WSCD1: variants seen among roughly 807,000 people sequenced by gnomAD.
WSCD1 encodes the protein WSC domain sialate O sulfotransferase 1.
A neutral mutation model predicts 60.4 loss-of-function variants in WSCD1; 41 were observed. The observed-to-expected ratio is 0.68, with a 90% CI of 0.53 to 0.88. WSCD1 has a LOEUF of 0.88. Among genes scored for constraint, WSCD1 ranks in the 40% least tolerant of loss-of-function variants. The probability of loss-of-function intolerance (pLI) is 0.00; values close to 1 mark genes in which losing one functional copy is unlikely to be tolerated. For synonymous variants in WSCD1, 361 were observed against 332.5 expected, an observed-to-expected ratio of 1.09 and a Z score of -0.93; for missense variants, 784 against 796.2, an observed-to-expected ratio of 0.98 and a Z score of 0.18.
chr17:6,119,096 C>T (rs1904480860), intron 8 of WSCD1, among the ~76,000 whole-genome samples: 1 of 152,142 alleles, frequency 6.6e-6, no homozygotes, highest in African/African-American at 2.4e-5. Flanking sequence ...TCACAAGGGC[C>T]CCACCCTCAT....
chr17:6,104,757 C>T (rs1910991976), intron 5 of WSCD1, among the ~76,000 whole-genome samples: 2 of 152,226 alleles, frequency 1.3e-5, no homozygotes. Context: ...ACTGGAAACC[C>T]AGCACATCCA....
In WSCD1 at chr17:6,081,706, A is replaced by G. The variant is rs141271616; in HGVS notation, c.427+621A>G. Among the ~76,000 whole-genome samples, 723 of 152,066 alleles carry G rather than the reference A, an allele frequency of 4.8e-3. 5 individuals are homozygous for G. Among genetic ancestry groups the G allele is most frequent in the Middle Eastern group, 0.034 (10 of 294 alleles). On this transcript the variant is annotated intron_variant, in intron 2 of 8. Transcript: ENST00000317744. The stretch of plus-strand genomic sequence containing the variant: ...AGCCTGGGAAGGAGACTCTGTCTCA[A>G]AAAAAAGAAAAAAAAAAAATTAGAC...
At position 6,101,741 on chromosome 17, in the gene WSCD1, C is replaced by G. The variant is rs776839848; in HGVS notation, c.849+6518C>G. 6.6e-6 allele frequency among the ~76,000 whole-genome samples: 1 copy of G among 152,084 alleles called. No homozygotes were observed. The highest frequency in any genetic ancestry group is 1.5e-5 in the Non-Finnish European group (1 of 68,036). ...GAAAGAGACCTGCTCATTCTCAGTC[C>G]CCTTCAGGATCCTATCGGCTCCTTT... On this transcript the variant is annotated intron_variant, in intron 5 of 8. Coordinates refer to ENST00000317744, the MANE Select transcript of WSCD1 (RefSeq NM_015253.2). The surrounding 1 kb of genome is among the most constrained non-coding windows in gnomAD (Gnocchi z 4.1).
intron 5 of WSCD1, among the ~76,000 whole-genome samples, chr17:6,103,506 G>C (rs1910919823): frequency 6.6e-6 from 1 of 152,166 alleles, no homozygotes; most frequent in South Asian, 2.1e-4. Context: ...GGGGTGGTTG[G>C]TGGGTTAAGT....
chr17:6,106,715 A>G (rs979036611), intron 5 of WSCD1, among the ~76,000 whole-genome samples: 2 of 152,194 alleles, frequency 1.3e-5, no homozygotes, highest in Non-Finnish European at 2.9e-5. Flanking sequence ...GTTAGTACAC[A>G]AAACTGTAAA....
intron 4 of WSCD1, among the ~76,000 whole-genome samples, chr17:6,091,261 A>G (rs915360602): frequency 2.0e-5 from 3 of 152,256 alleles, no homozygotes; most frequent in Admixed American, 1.3e-4. Context: ...TAAAGCACCT[A>G]GAAATGCTGC....
rs779297258 is a variant in WSCD1, at chr17:6,090,465, C to T, written c.687C>T (p.Ser229=). The T allele has an allele frequency of 3.9e-5, 63 of 1,613,186 alleles. No homozygotes were observed. Among genetic ancestry groups the T allele is most frequent in the East Asian group, 2.2e-5 (1 of 44,820 alleles). Residue 229 remains serine (S), a synonymous_variant, in exon 4 of 9, where the codon TCC becomes TCT. Transcript: ENST00000317744. ...GSVCGAVDRL[S]VYRVDELQPG... ...TGTGCGGGGCTGTGGACCGGCTCTCCGTGTACCGTGTGGACGAGCTGCAGC... is the reference window on the plus strand; with the variant it reads ...TGTGCGGGGCTGTGGACCGGCTCTCTGTGTACCGTGTGGACGAGCTGCAGC...
At chr17:6,107,362 A>G (rs968698052) in intron 5 of WSCD1, among the ~76,000 whole-genome samples, 1 of 151,922 alleles carries the variant, frequency 6.6e-6, no homozygotes, top group Non-Finnish European at 1.5e-5. Flanking sequence ...GTAGCCAGGC[A>G]TGGTGGTGGC....
Position 6,120,921 on chromosome 17 carries a change from C to T in WSCD1, c.*260C>T. 1.9e-6 allele frequency: 1 copy of T among 518,230 alleles called. No individual in the cohort carries two copies. The highest frequency in any genetic ancestry group is 1.9e-5 in the African/African-American group (1 of 52,650). The allele number at this position is 518,230 out of a possible 1,614,324, so 32.1% of individuals were successfully genotyped here. ...CACCACTCCAGGCTCATAGCCCCGT[C>T]TTGATGCAGAGAAGCCACCCACGTG... On this transcript the variant is annotated 3_prime_UTR_variant, in exon 9 of 9. Transcript: ENST00000317744.
intron 5 of WSCD1, among the ~76,000 whole-genome samples, chr17:6,102,983 AC>A (rs1476952048): frequency 1.3e-5 from 2 of 152,214 alleles, no homozygotes; most frequent in Middle Eastern, 3.4e-3. Context: ...CCCTTTTAAG[AC>A]TTTTTATACA....
intron 1 of WSCD1, among the ~76,000 whole-genome samples, chr17:6,079,290 G>A (rs1909074517): frequency 6.6e-6 from 1 of 152,254 alleles, no homozygotes; most frequent in South Asian, 2.1e-4. Flanking sequence ...GTTAGTTACG[G>A]GCAGTGGCTT....
Position 6,120,529 on chromosome 17 carries a change from C to T in WSCD1, c.1596C>T (p.Gly532=). The change falls in exon 9 of 9, where the codon GGC becomes GGT. Residue 532 remains glycine (G), a synonymous_variant. Transcript: ENST00000317744. ...NNKEGSFRRR[G]RRSHDPEPFT... ...AGGAGGGCAGCTTCCGGCGGCGCGG[C>T]CGGCGCTCCCACGACCCTGAGCCCT... 6.2e-7 allele frequency: 1 copy of T among 1,613,764 alleles called. No individual in the cohort carries two copies. Among genetic ancestry groups the T allele is most frequent in the Non-Finnish European group, 8.5e-7 (1 of 1,180,002 alleles).
At position 6,073,968 on chromosome 17, in the gene WSCD1, T is replaced by C. The variant is rs1159721709; in HGVS notation, c.-289+3316T>C. Among the ~76,000 whole-genome samples, 3 of 152,348 alleles carry C rather than the reference T, an allele frequency of 2.0e-5. No individual in the cohort carries two copies. In the South Asian group the frequency reaches 6.2e-4, roughly 32 times the overall value. Reference sequence around the variant, plus strand: ...TCTGTATGATGGGGACGATAATGATTTTGGCCTCACAGATTTGTGGGAAGA... The same window carrying C: ...TCTGTATGATGGGGACGATAATGATCTTGGCCTCACAGATTTGTGGGAAGA... On this transcript the variant is annotated intron_variant, in intron 1 of 8. Coordinates refer to ENST00000317744, the MANE Select transcript of WSCD1 (RefSeq NM_015253.2).
At chr17:6,098,974 A>G (rs1910624042) in intron 5 of WSCD1, among the ~76,000 whole-genome samples, 1 of 152,012 alleles carries the variant, frequency 6.6e-6, no homozygotes, top group African/African-American at 2.4e-5. Flanking sequence ...CAGGTGGCTG[A>G]GGGGATTAAG....
At chr17:6,088,885 C>A (rs1909834010) in intron 3 of WSCD1, among the ~76,000 whole-genome samples, 1 of 152,014 alleles carries the variant, frequency 6.6e-6, no homozygotes, top group Non-Finnish European at 1.5e-5. Flanking sequence ...TGGGTTCACG[C>A]CATTCGCCTG....
At position 6,120,336 on chromosome 17, in the gene WSCD1, C is replaced by T. The variant is rs1420451922; in HGVS notation, c.1403C>T (p.Ala468Val). ...TGGCCGGACTTTGTCAACAGCTACG[C>T]CTCGTGGTGGTCCTCGCACGTCCTG... Reference protein sequence around the residue: ...KEWPDFVNSYASWWSSHVLDW... With the variant: ...KEWPDFVNSYVSWWSSHVLDW... The change falls in exon 9 of 9, where the codon GCC becomes GTC. Residue 468 changes from alanine (A) to valine (V), a missense_variant. By Grantham distance (64) the Ala-to-Val change is moderately conservative. Coordinates refer to ENST00000317744, the MANE Select transcript of WSCD1 (RefSeq NM_015253.2). 1 of 1,613,902 alleles carries T rather than the reference C, an allele frequency of 6.2e-7. No homozygotes were observed. Among genetic ancestry groups the T allele is most frequent in the Non-Finnish European group, 8.5e-7 (1 of 1,179,968 alleles).
At chr17:6,069,257 G>C (rs1010075288), upstream of WSCD1, 9 of 398,812 alleles carry the variant, frequency 2.3e-5, no homozygotes, top group African/African-American at 1.9e-4. Context: ...CAGATGCTGT[G>C]ACTTGGCGGC....
upstream of WSCD1, chr17:6,070,302 G>A: frequency 6.7e-6 from 1 of 148,958 alleles, no homozygotes; most frequent in East Asian, 2.0e-4. Flanking sequence ...TCCCCCGGGC[G>A]GCGGGAGGTG....
intron 1 of WSCD1, among the ~76,000 whole-genome samples, chr17:6,079,115 G>C (rs746660535): frequency 1.3e-5 from 2 of 152,244 alleles, no homozygotes; most frequent in Non-Finnish European, 2.9e-5. Context: ...CATTTACTCA[G>C]AGAGGGTCAT....
Sources: allele counts gnomAD v4.1 joint callset (sites outside exome capture counted in the v4.1 genomes callset), GRCh38; gene constraint gnomAD v4.1.1; non-coding constraint Gnocchi (gnomAD v3.1); transcripts MANE v1.5; gene names NCBI Gene and HGNC (gene_info 2026-07-23, HGNC 2026-07-21).